The following MICALL1 variants were observed in gnomAD, a reference collection of about 807,000 sequenced individuals.
MICALL1 encodes MICAL like 1.
A neutral mutation model predicts 83.7 loss-of-function variants in MICALL1; 61 were observed. The observed-to-expected ratio is 0.73, with a 90% CI of 0.59 to 0.90. The LOEUF (loss-of-function observed/expected upper bound fraction) is 0.90, where lower values mean the gene tolerates loss of function less well. Ranked by LOEUF, MICALL1 falls within the 40% of genes least tolerant of loss-of-function variation. The probability of loss-of-function intolerance (pLI) is 0.00; values close to 1 mark genes in which losing one functional copy is unlikely to be tolerated. For missense variants in MICALL1, 1,066 were observed against 1,152.0 expected (o/e 0.93, Z 1.08); for synonymous variants, 481 against 473.6 (o/e 1.02, Z -0.20).
chr22:37,915,286 T>C (rs1210953029), intron 3 of MICALL1, among the ~76,000 whole-genome samples: 8 of 152,154 alleles, frequency 5.3e-5, no homozygotes, highest in African/African-American at 1.9e-4. Context: ...ATTTAGAACA[T>C]GGCAAAAGCA....
chr22:37,934,919 T>A lies in MICALL1; in HGVS notation c.2308+1807T>A, dbSNP rs180897053. Among the ~76,000 whole-genome samples the A allele has an allele frequency of 9.1e-4, 135 of 147,960 alleles. 1 individual carries two copies. The highest frequency in any genetic ancestry group is 3.5e-3 in the Middle Eastern group (1 of 286). On this transcript the variant is annotated intron_variant, in intron 13 of 15. Coordinates refer to ENST00000215957, the MANE Select transcript of MICALL1 (RefSeq NM_033386.4). ...CTCTATTTATTTATTTATTTTATTT[T>A]ATTTATTTATTTATTTTTATTTTAT...
chr22:37,914,615 G>GCA (rs750415790), intron 3 of MICALL1, among the ~76,000 whole-genome samples: 351 of 149,844 alleles, frequency 2.3e-3, no homozygotes, highest in Middle Eastern at 3.5e-3. Context: ...ATGCGTGCGC[G>GCA]CACACACACA....
chr22:37,911,455 C>T (rs1928317243), intron 1 of MICALL1, among the ~76,000 whole-genome samples: 1 of 152,222 alleles, frequency 6.6e-6, no homozygotes, highest in Non-Finnish European at 1.5e-5. Flanking sequence ...GGGCTGGTGG[C>T]TTCCTTTCTC....
rs1040705222 is a variant in MICALL1, at chr22:37,942,763, A to C, written c.*1933A>C. The C allele has an allele frequency of 1.3e-5, 2 of 152,276 alleles. No homozygotes were observed. Among genetic ancestry groups the C allele is most frequent in the African/African-American group, 4.8e-5 (2 of 41,426 alleles). 9.4% of individuals were successfully genotyped at this position (152,276 alleles called of 1,614,324 possible). ...TGATCCACCCACCTTGGCCTCCCAA[A>C]GTGCTGGGATTACAGGCGTGAGCCA... On this transcript the variant is annotated 3_prime_UTR_variant, in exon 16 of 16. Transcript: ENST00000215957.
rs1310230899 is a variant in MICALL1 at position 37,927,554 on chromosome 22, T to C, written c.1609T>C (p.Ser537Pro). ...LLEPPAVPKS[S>P]SEPAVHAPGT... is the part of the protein sequence containing the mutation. ...GGAGCCGCCAGCTGTGCCCAAGAGC[T>C]CCTCAGAGCCTGCTGTCCATGCCCC... is the stretch of plus-strand genomic sequence containing the variant. The change falls in exon 9 of 16, where the codon TCC becomes CCC. Residue 537 changes from serine (S) to proline (P), a missense_variant. Physicochemically the swap from Ser to Pro is moderately conservative, Grantham distance 74. Transcript: ENST00000215957. 6.2e-7 allele frequency: 1 copy of C among 1,613,642 alleles called. No individual in the cohort carries two copies. Among genetic ancestry groups the C allele is most frequent in the South Asian group, 1.1e-5 (1 of 91,080 alleles).
In MICALL1 at chr22:37,927,596, C is replaced by G; in HGVS notation, c.1651C>G (p.Pro551Ala). 6.2e-7 allele frequency: 1 copy of G among 1,613,488 alleles called. No individual in the cohort carries two copies. Among genetic ancestry groups the G allele is most frequent in the East Asian group, 2.2e-5 (1 of 44,832 alleles). ...CCATGCCCCTGGTACCCCTGGAAACCCTGTCAGCCTCTCTACCAACTCCTC... is the reference window on the plus strand; with the variant it reads ...CCATGCCCCTGGTACCCCTGGAAACGCTGTCAGCCTCTCTACCAACTCCTC... ...AVHAPGTPGN[P>A]VSLSTNSSLA... Residue 551 changes from proline to alanine, a missense_variant, in exon 9 of 16, where the codon CCT becomes GCT. By Grantham distance (27) the Pro-to-Ala change is conservative. Transcript: ENST00000215957.
At chr22:37,917,982 G>T (rs950740709) in intron 4 of MICALL1, among the ~76,000 whole-genome samples, 187 bp downstream of exon 4, 1 of 152,186 alleles carries the variant, frequency 6.6e-6, no homozygotes, top group Non-Finnish European at 1.5e-5. Context: ...GTGAGGCATG[G>T]GTCAGGAGGC....
chr22:37,940,379 C>A (rs917728733), intron 15 of MICALL1, among the ~76,000 whole-genome samples: 1 of 151,792 alleles, frequency 6.6e-6, no homozygotes, highest in African/African-American at 2.4e-5. Flanking sequence ...GCCAAGATCG[C>A]GTCATTGCAC....
At chr22:37,914,237 T>C (rs1006586259) in intron 3 of MICALL1, among the ~76,000 whole-genome samples, 3 of 150,006 alleles carry the variant, frequency 2.0e-5, no homozygotes, top group African/African-American at 7.3e-5. Flanking sequence ...CTTTCTTTTT[T>C]TTTTTTGAAA....
Position 37,921,967 on chromosome 22 carries a change from G to C in MICALL1, c.570-5G>C. The C allele has an allele frequency of 6.4e-7, 1 of 1,557,634 alleles. No individual in the cohort carries two copies. The highest frequency in any genetic ancestry group is 8.7e-7 in the Non-Finnish European group (1 of 1,148,922). ...TAAGTGAACCCCTGTCCTGTCCCCT[G>C]CCAGGTGTCGGCGGTGCTCCAGCAC... On this transcript the variant is annotated splice_region_variant and splice_polypyrimidine_tract_variant and intron_variant, in intron 5 of 15. Transcript: ENST00000215957.
At chr22:37,918,821 C>T (rs1160485615) in intron 4 of MICALL1, among the ~76,000 whole-genome samples, 2 of 152,240 alleles carry the variant, frequency 1.3e-5, no homozygotes, top group Non-Finnish European at 2.9e-5. Context: ...ACAAGGCTTT[C>T]CTCCGTTCTG....
At chr22:37,937,228 A>C in intron 14 of MICALL1, 34 bp downstream of exon 14, 5 of 1,226,244 alleles carry the variant, frequency 4.1e-6, no homozygotes, top group Non-Finnish European at 5.7e-6. Flanking sequence ...TCCTGGGGGC[A>C]GGGCCAGAGC....
chr22:37,911,351 G>C (rs1928311094), intron 1 of MICALL1, among the ~76,000 whole-genome samples: 1 of 152,208 alleles, frequency 6.6e-6, no homozygotes, highest in Non-Finnish European at 1.5e-5. Context: ...GCTGGACCGG[G>C]TTGGGATGCA....
rs779509365 is a variant in MICALL1 at position 37,927,783 on chromosome 22, C to G, written c.1838C>G (p.Pro613Arg). Residue 613 changes from proline (P) to arginine (R), a missense_variant, in exon 9 of 16, where the codon CCG (proline) becomes CGG (arginine). Physicochemically the swap from Pro to Arg is moderately radical, Grantham distance 103. Coordinates refer to ENST00000215957, the MANE Select transcript of MICALL1 (RefSeq NM_033386.4). ...TPLLLVGDRSPVPSPGSSSPQ... is the reference protein window; with the variant it reads ...TPLLLVGDRSRVPSPGSSSPQ... Reference sequence around the variant, plus strand: ...CTCTTGTTGGTTGGAGACAGGAGCCCGGTGCCTTCCCCTGGAAGCTCGTCC... The same window carrying G: ...CTCTTGTTGGTTGGAGACAGGAGCCGGGTGCCTTCCCCTGGAAGCTCGTCC... 8.1e-6 allele frequency: 13 copies of G among 1,612,134 alleles called. No individual in the cohort carries two copies. Among genetic ancestry groups the G allele is most frequent in the Non-Finnish European group, 2.5e-6 (3 of 1,179,148 alleles).
intron 5 of MICALL1, 63 bp downstream of exon 5, chr22:37,919,241 C>G (rs985542994): frequency 7.0e-7 from 1 of 1,438,306 alleles, no homozygotes; most frequent in African/African-American, 1.4e-5. Flanking sequence ...GGGTTCAGCA[C>G]ACACAGTGCG....
chr22:37,927,128 TG>T, intron 8 of MICALL1: 1 of 403,200 alleles, frequency 2.5e-6, no homozygotes, highest in Non-Finnish European at 4.4e-6. Context: ...ATTCCCAAGG[TG>T]GTTTTGCTGT....
intron 1 of MICALL1, among the ~76,000 whole-genome samples, chr22:37,909,365 GT>G (rs61091558): frequency 8.5e-5 from 12 of 141,680 alleles, no homozygotes; most frequent in South Asian, 2.3e-4. Context: ...AGCCACGTAG[GT>G]TTTTTTTTTT....
intron 3 of MICALL1, among the ~76,000 whole-genome samples, chr22:37,914,100 T>A (rs1435605407): frequency 6.6e-6 from 1 of 151,882 alleles, no homozygotes; most frequent in East Asian, 1.9e-4. Flanking sequence ...GGTCTCAAAC[T>A]CCTGACCTCA....
Position 37,920,285 on chromosome 22 carries a change from T to C in MICALL1, c.569+1107T>C, listed in dbSNP as rs181186177. ...TCAAAAATGAAACCAAAAGAGGAAA[T>C]TGAACAGTCAAGGAAGCCGGGAGTG... is the stretch of plus-strand genomic sequence containing the variant. On this transcript the variant is annotated intron_variant, in intron 5 of 15. Transcript: ENST00000215957. 5.9e-3 allele frequency among the ~76,000 whole-genome samples: 902 copies of C among 151,946 alleles called. 6 individuals are homozygous for C. Among genetic ancestry groups the C allele is most frequent in the Non-Finnish European group, 9.4e-3 (642 of 67,946 alleles).
Sources: allele counts gnomAD v4.1 joint callset (sites outside exome capture counted in the v4.1 genomes callset), GRCh38; gene constraint gnomAD v4.1.1; transcripts MANE v1.5; gene names NCBI Gene and HGNC (gene_info 2026-07-23, HGNC 2026-07-21).